ZNF865: variants seen among roughly 807,000 people sequenced by gnomAD.
ZNF865 encodes zinc finger protein 865.
For synonymous variants in ZNF865, 763 were observed against 750.8 expected (o/e 1.02, Z -0.27); for missense variants, 1,311 against 1,593.4 (o/e 0.82, Z 3.02).
intron 1 of ZNF865, among the ~76,000 whole-genome samples, chr19:55,607,326 G>A (rs1450662730): frequency 6.6e-6 from 1 of 151,872 alleles, no homozygotes; most frequent in African/African-American, 2.4e-5. Flanking sequence ...CAGGCCAGGC[G>A]AGGTGGCTCA....
At chr19:55,606,945 A>G (rs1421001539) in intron 1 of ZNF865, among the ~76,000 whole-genome samples, 3 of 152,196 alleles carry the variant, frequency 2.0e-5, no homozygotes, top group Non-Finnish European at 4.4e-5. Context: ...GATCTGGGTG[A>G]GCAGGCAGCA....
rs1981320485 is a variant in ZNF865 at position 55,615,545 on chromosome 19, C to T, written c.1927C>T (p.Pro643Ser). The change falls in exon 2 of 2, where the codon CCC (proline) becomes TCC (serine). Residue 643 changes from proline to serine, a missense_variant. Coordinates refer to ENST00000568956, the MANE Select transcript of ZNF865 (RefSeq NM_001195605.2). The part of the protein sequence containing the change: ...PCALAGAAGL[P>S]STQGTPGACG... ...CGCCCTGGCCGGGGCAGCCGGCCTC[C>T]CCTCCACCCAAGGCACACCGGGGGC... 6.6e-7 allele frequency: 1 copy of T among 1,511,844 alleles called. No homozygotes were observed. Among genetic ancestry groups the T allele is most frequent in the Admixed American group, 2.2e-5 (1 of 46,132 alleles). 93.7% of individuals were successfully genotyped at this position (1,511,844 alleles called of 1,614,324 possible).
At chr19:55,606,091 T>C (rs1483693570) in intron 1 of ZNF865, among the ~76,000 whole-genome samples, 1 of 152,100 alleles carries the variant, frequency 6.6e-6, no homozygotes, top group African/African-American at 2.4e-5. Context: ...CCTCCCCATG[T>C]AGGGCAGCTG....
chr19:55,615,073 C>CCCCCG lies in ZNF865; in HGVS notation c.1455_1456insCCCCG (p.Thr486ProfsTer82). ...CGGCCTCGGCCCCGCAGCCCCCGCC[C>CCCCCG]ACCTTCCCCCCGGGCCCGTACCTCC... On this transcript the variant is annotated frameshift_variant, in exon 2 of 2. Transcript: ENST00000568956. LOFTEE classifies it low-confidence loss of function (END_TRUNC). 1.7e-6 allele frequency: 2 copies of CCCCCG among 1,196,036 alleles called. No homozygotes were observed. Among genetic ancestry groups the CCCCCG allele is most frequent in the South Asian group, 2.6e-5 (1 of 38,100 alleles). The allele number at this position is 1,196,036 out of a possible 1,614,324, so 74.1% of individuals were successfully genotyped here. A position where few individuals can be genotyped will look rare whatever the true frequency, so the allele number is the denominator to read the frequency against.
chr19:55,614,566 T>A lies in ZNF865; in HGVS notation c.948T>A (p.Pro316=). Residue 316 remains proline, a synonymous_variant, in exon 2 of 2, where the codon CCT becomes CCA. Transcript: ENST00000568956. This position sits in a 1 kb window ranked among gnomAD's most constrained non-coding sequence, Gnocchi z 8.0. The part of the protein sequence containing the change: ...AAAPSTVSSG[P]PATPVAPAPS... ...CCCCCTCCACGGTGTCCTCGGGCCC[T>A]CCAGCCACGCCCGTGGCGCCTGCCC... 1 of 1,486,788 alleles carries A rather than the reference T, an allele frequency of 6.7e-7. No individual in the cohort carries two copies. The highest frequency in any genetic ancestry group is 8.9e-7 in the Non-Finnish European group (1 of 1,126,014). The allele number at this position is 1,486,788 out of a possible 1,614,324, so 92.1% of individuals were successfully genotyped here. A position where few individuals can be genotyped will look rare whatever the true frequency, so the allele number is the denominator to read the frequency against.
At chr19:55,606,358 C>G (rs1201918983) in intron 1 of ZNF865, among the ~76,000 whole-genome samples, 1 of 146,650 alleles carries the variant, frequency 6.8e-6, no homozygotes. Flanking sequence ...TCAAAGCCAC[C>G]CCCCCATCGC....
At chr19:55,612,912 A>T (rs1239212927) in intron 1 of ZNF865, 1 of 152,246 alleles carries the variant, frequency 6.6e-6, no homozygotes, top group Non-Finnish European at 1.5e-5. Flanking sequence ...ACGCTGATAG[A>T]AACTGTGATT....
chr19:55,616,606 G>T lies in ZNF865; in HGVS notation c.2988G>T (p.Lys996Asn). The T allele has an allele frequency of 6.6e-7, 1 of 1,526,156 alleles. No individual in the cohort carries two copies. Among genetic ancestry groups the T allele is most frequent in the Non-Finnish European group, 8.8e-7 (1 of 1,142,096 alleles). 94.5% of individuals were successfully genotyped at this position (1,526,156 alleles called of 1,614,324 possible). Residue 996 changes from lysine (K) to asparagine (N), a missense_variant, in exon 2 of 2, where the codon AAG becomes AAT. By Grantham distance (94) the Lys-to-Asn change is moderately conservative. Coordinates refer to ENST00000568956, the MANE Select transcript of ZNF865 (RefSeq NM_001195605.2). ...AGCTCCGCTGCCCCGCCTGCCTCAAGGCCTTCAAGGATCCCGGCTACTTCC... is the reference window on the plus strand; with the variant it reads ...AGCTCCGCTGCCCCGCCTGCCTCAATGCCTTCAAGGATCCCGGCTACTTCC... Reference protein sequence around the residue: ...RPELRCPACLKAFKDPGYFRK... With the variant: ...RPELRCPACLNAFKDPGYFRK...
Position 55,615,886 on chromosome 19 carries a change from G to C in ZNF865, c.2268G>C (p.Glu756Asp). Residue 756 changes from glutamate (E) to aspartate (D), a missense_variant, in exon 2 of 2, where the codon GAG becomes GAC. By Grantham distance (45) the Glu-to-Asp change is conservative (BLOSUM62 2). Coordinates refer to ENST00000568956, the MANE Select transcript of ZNF865 (RefSeq NM_001195605.2). ...ASVLDNGLAG[E>D]VGAAVAALAG... ...TGCTGGACAACGGGCTGGCGGGGGA[G>C]GTGGGGGCGGCCGTGGCGGCACTGG... 6.8e-7 allele frequency: 1 copy of C among 1,476,102 alleles called. No homozygotes were observed. Among genetic ancestry groups the C allele is most frequent in the Non-Finnish European group, 8.9e-7 (1 of 1,121,130 alleles). The allele number at this position is 1,476,102 out of a possible 1,614,324, so 91.4% of individuals were successfully genotyped here. A position where few individuals can be genotyped will look rare whatever the true frequency, so the allele number is the denominator to read the frequency against.
In ZNF865 at chr19:55,615,846, C is replaced by G; in HGVS notation, c.2228C>G (p.Thr743Arg). 1 of 1,496,182 alleles carries G rather than the reference C, an allele frequency of 6.7e-7. No individual in the cohort carries two copies. 92.7% of individuals were successfully genotyped at this position (1,496,182 alleles called of 1,614,324 possible). ...GLQPPDGSSG[T>R]DAASVLDNGL... ...CAGCCCCCGGACGGCTCCAGCGGCACGGATGCGGCCAGCGTGCTGGACAAC... is the reference window on the plus strand; with the variant it reads ...CAGCCCCCGGACGGCTCCAGCGGCAGGGATGCGGCCAGCGTGCTGGACAAC... The change falls in exon 2 of 2, where the codon ACG (threonine) becomes AGG (arginine). Residue 743 changes from threonine to arginine, a missense_variant. Transcript: ENST00000568956.
rs946406706 is a variant in ZNF865, at chr19:55,611,973, C to T, written c.-26-1620C>T. ...TAAAGGAGGTGCCAGAGAATGATGC[C>T]GGGGGTGGAGGGTCAGGAGAAGCCC... On this transcript the variant is annotated intron_variant, in intron 1 of 1. Transcript: ENST00000568956. This position sits in a 1 kb window ranked among gnomAD's most constrained non-coding sequence, Gnocchi z 4.5. 3.9e-5 allele frequency among the ~76,000 whole-genome samples: 6 copies of T among 151,980 alleles called. No individual in the cohort carries two copies. The highest frequency in any genetic ancestry group is 9.7e-5 in the African/African-American group (4 of 41,450).
intron 1 of ZNF865, 171 bp from the exon 2 acceptor site, chr19:55,613,422 C>G (rs1395194050): frequency 4.9e-6 from 1 of 203,184 alleles, no homozygotes; most frequent in African/African-American, 2.4e-5. Context: ...GCCAGGGAGC[C>G]AAGAGGAAGG....
Position 55,614,125 on chromosome 19 carries a change from C to G in ZNF865, c.507C>G (p.Ser169=). 7.0e-7 allele frequency: 1 copy of G among 1,426,784 alleles called. No homozygotes were observed. Among genetic ancestry groups the G allele is most frequent in the Non-Finnish European group, 9.1e-7 (1 of 1,099,846 alleles). 88.4% of individuals were successfully genotyped at this position (1,426,784 alleles called of 1,614,324 possible). A position where few individuals can be genotyped will look rare whatever the true frequency, so the allele number is the denominator to read the frequency against. The part of the protein sequence containing the change: ...FGNLKRGGPA[S]GPGVTPGLGA... Reference sequence around the variant, plus strand: ...ACCTGAAGCGAGGAGGGCCCGCGTCCGGGCCGGGGGTGACGCCTGGGCTGG... The same window carrying G: ...ACCTGAAGCGAGGAGGGCCCGCGTCGGGGCCGGGGGTGACGCCTGGGCTGG... Residue 169 remains serine (S), a synonymous_variant, in exon 2 of 2, where the codon TCC becomes TCG. Coordinates refer to ENST00000568956, the MANE Select transcript of ZNF865 (RefSeq NM_001195605.2). The surrounding 1 kb of genome is among the most constrained non-coding windows in gnomAD (Gnocchi z 8.0).
In ZNF865 at chr19:55,614,160, CG is replaced by C; in HGVS notation, c.547del (p.Ala183ProfsTer34). On this transcript the variant is annotated frameshift_variant, in exon 2 of 2. Coordinates refer to ENST00000568956, the MANE Select transcript of ZNF865 (RefSeq NM_001195605.2). LOFTEE classifies it low-confidence loss of function (END_TRUNC). This position sits in a 1 kb window ranked among gnomAD's most constrained non-coding sequence, Gnocchi z 8.0. Reference protein sequence around the residue: ...PGVTPGLGAPAGAPGPLPAPS... With the variant: ...PGVTPGLGAPXGAPGPLPAPS... The stretch of plus-strand genomic sequence containing the variant: ...GTGACGCCTGGGCTGGGCGCTCCCG[CG>C]GGGGCCCCAGGGCCGCTTCCTGCCC... 1.4e-6 allele frequency: 2 copies of C among 1,451,446 alleles called. No individual in the cohort carries two copies. Among genetic ancestry groups the C allele is most frequent in the Non-Finnish European group, 1.8e-6 (2 of 1,111,542 alleles). The allele number at this position is 1,451,446 out of a possible 1,614,324, so 89.9% of individuals were successfully genotyped here.
intron 1 of ZNF865, 101 bp from the exon 2 acceptor site, chr19:55,613,492 G>A (rs1981210726): frequency 9.0e-7 from 1 of 1,112,682 alleles, no homozygotes; most frequent in Non-Finnish European, 1.2e-6. Context: ...AGGCTAGGGG[G>A]TGATCCGCAC....
At position 55,613,806 on chromosome 19, in the gene ZNF865, G is replaced by GGCCCC; in HGVS notation, c.188_189insGCCCC (p.Gln67ArgfsTer98). 6.9e-7 allele frequency: 1 copy of GGCCCC among 1,456,318 alleles called. No individual in the cohort carries two copies. Among genetic ancestry groups the GGCCCC allele is most frequent in the Admixed American group, 2.2e-5 (1 of 45,734 alleles). 90.2% of individuals were successfully genotyped at this position (1,456,318 alleles called of 1,614,324 possible). ...GTGGCGGCCCTGCCCTGCGCCCCCGGCCCCCCGCCGCAGCCCCCGCCGCAG... is the reference window on the plus strand; with the variant it reads ...GTGGCGGCCCTGCCCTGCGCCCCCGGGCCCCCCCCCCGCCGCAGCCCCCGCCGCAG... On this transcript the variant is annotated frameshift_variant, in exon 2 of 2. Transcript: ENST00000568956. LOFTEE classifies it low-confidence loss of function (END_TRUNC).
rs542689761 is a variant in ZNF865 at position 55,611,218 on chromosome 19, T to C, written c.-26-2375T>C. 6.6e-6 allele frequency among the ~76,000 whole-genome samples: 1 copy of C among 152,150 alleles called. No homozygotes were observed. Among genetic ancestry groups the C allele is most frequent in the African/African-American group, 2.4e-5 (1 of 41,412 alleles). On this transcript the variant is annotated intron_variant, in intron 1 of 1. Coordinates refer to ENST00000568956, the MANE Select transcript of ZNF865 (RefSeq NM_001195605.2). This position sits in a 1 kb window ranked among gnomAD's most constrained non-coding sequence, Gnocchi z 4.5. ...GAGTTGTGGGGAGTCAGTGAATTAATATGTGTAACGTGCTTAGAACCGTGG... is the reference window on the plus strand; with the variant it reads ...GAGTTGTGGGGAGTCAGTGAATTAACATGTGTAACGTGCTTAGAACCGTGG...
Position 55,614,827 on chromosome 19 carries a change from C to G in ZNF865, c.1209C>G (p.Asp403Glu). 1 of 1,536,150 alleles carries G rather than the reference C, an allele frequency of 6.5e-7. No individual in the cohort carries two copies. The change falls in exon 2 of 2, where the codon GAC (aspartate) becomes GAG (glutamate). Residue 403 changes from aspartate (D) to glutamate (E), a missense_variant. By Grantham distance (45) the Asp-to-Glu change is conservative (BLOSUM62 2). Coordinates refer to ENST00000568956, the MANE Select transcript of ZNF865 (RefSeq NM_001195605.2). This position sits in a 1 kb window ranked among gnomAD's most constrained non-coding sequence, Gnocchi z 8.0. ...GCCACGTGAAGACGCACTCGGCCGA[C>G]CTCCTGCGCCTGCCCTGCGGCATCT... ...LKRHVKTHSA[D>E]LLRLPCGICG...
At position 55,616,963 on chromosome 19, in the gene ZNF865, C is replaced by A; in HGVS notation, c.*165C>A. 1 of 648,800 alleles carries A rather than the reference C, an allele frequency of 1.5e-6. No individual in the cohort carries two copies. The highest frequency in any genetic ancestry group is 2.4e-6 in the Non-Finnish European group (1 of 419,676). 40.2% of individuals were successfully genotyped at this position (648,800 alleles called of 1,614,324 possible). ...GCCCGACAGGCTCAAGACTGAATCA[C>A]TCCCATCCTCGACCTCTCTGCCCTC... On this transcript the variant is annotated 3_prime_UTR_variant, in exon 2 of 2. Coordinates refer to ENST00000568956, the MANE Select transcript of ZNF865 (RefSeq NM_001195605.2).
Sources: gnomAD v4.1 joint callset for allele counts (sites outside exome capture counted in the v4.1 genomes callset) on GRCh38, gnomAD v4.1.1 for gene constraint, Gnocchi (gnomAD v3.1) non-coding constraint, MANE v1.5 for transcripts, NCBI Gene and HGNC (gene_info 2026-07-23, HGNC 2026-07-21) for gene names.